The following SPAG16 variants were observed in gnomAD, a reference collection of about 807,000 sequenced individuals.
SPAG16 encodes sperm associated antigen 16, also known as sperm-associated antigen 16 protein.
Under a neutral mutation model 80.4 loss-of-function variants are expected in SPAG16, and 86 were observed. The observed-to-expected ratio is 1.07, with a 90% CI of 0.90 to 1.28. The LOEUF (loss-of-function observed/expected upper bound fraction) is 1.28. Ranked by LOEUF, SPAG16 falls within the 50% of genes most tolerant of loss-of-function variation. SPAG16 has a pLI of 0.00. For synonymous variants in SPAG16, 294 were observed against 265.9 expected (o/e 1.11, Z -1.03); for missense variants, 870 against 765.3 (o/e 1.14, Z -1.61).
chr2:213,503,244 T>C (rs2074821376), intron 10 of SPAG16, among the ~76,000 whole-genome samples: 1 of 152,152 alleles, frequency 6.6e-6, no homozygotes, highest in Non-Finnish European at 1.5e-5. Context: ...AAGCAATGGG[T>C]GAAGACATTG....
chr2:214,050,158 T>C (rs1171609635), intron 13 of SPAG16, among the ~76,000 whole-genome samples: 2 of 152,022 alleles, frequency 1.3e-5, no homozygotes, highest in Non-Finnish European at 2.9e-5. Context: ...TGGAAAAAAC[T>C]ACCTCTCTTA....
intron 10 of SPAG16, among the ~76,000 whole-genome samples, chr2:213,699,663 T>C (rs2065318876): frequency 1.3e-5 from 2 of 152,190 alleles, no homozygotes; most frequent in East Asian, 1.9e-4. Flanking sequence ...TATCCTAATA[T>C]AAAATTTAAA....
At chr2:213,490,409 TTA>T (rs758096910) in intron 10 of SPAG16, among the ~76,000 whole-genome samples, 10 of 152,154 alleles carry the variant, frequency 6.6e-5, no homozygotes, top group Non-Finnish European at 1.3e-4. Flanking sequence ...TTTCATTTGT[TTA>T]TTTTACTCAC....
chr2:214,122,829 T>C (rs969224315), intron 14 of SPAG16, among the ~76,000 whole-genome samples: 1 of 151,930 alleles, frequency 6.6e-6, no homozygotes, highest in Admixed American at 6.6e-5. Flanking sequence ...AAGCAGGTTC[T>C]GTCTATCCAA....
chr2:213,695,167 T>C (rs554517032), intron 10 of SPAG16, among the ~76,000 whole-genome samples: 3 of 152,282 alleles, frequency 2.0e-5, no homozygotes, highest in South Asian at 2.1e-4. Context: ...TAACCATATC[T>C]TTTTCTTACT....
At chr2:213,573,234 T>C (rs1248269054) in intron 10 of SPAG16, among the ~76,000 whole-genome samples, 8 of 152,102 alleles carry the variant, frequency 5.3e-5, no homozygotes, top group Middle Eastern at 6.8e-3. Flanking sequence ...ACCGGAGCTG[T>C]TCCTATTCGG....
At chr2:214,029,890 ATATGCATAAACC>A (rs1441232014) in intron 13 of SPAG16, among the ~76,000 whole-genome samples, 2 of 152,194 alleles carry the variant, frequency 1.3e-5, no homozygotes, top group Non-Finnish European at 1.5e-5. Flanking sequence ...GAATTTGGAC[ATATGCATAAACC>A]TATGCATAAT....
intron 11 of SPAG16, among the ~76,000 whole-genome samples, chr2:213,921,285 G>T (rs2078212226): frequency 2.0e-5 from 3 of 152,096 alleles, no homozygotes; most frequent in Admixed American, 2.0e-4. Context: ...TAGCTTATTT[G>T]GTCTTTGTTG....
chr2:213,885,717 C>G (rs931565903), intron 11 of SPAG16, among the ~76,000 whole-genome samples: 2 of 152,020 alleles, frequency 1.3e-5, no homozygotes, highest in East Asian at 3.9e-4. Flanking sequence ...TCCTTGGTAC[C>G]CTTCCATCAT....
chr2:214,119,607 T>C (rs867452935), intron 14 of SPAG16, among the ~76,000 whole-genome samples: 2 of 152,104 alleles, frequency 1.3e-5, no homozygotes, highest in South Asian at 2.1e-4. Context: ...TTTTCCATTT[T>C]TCCTTATTTT....
At chr2:214,309,131 G>C (rs1208765348) in intron 15 of SPAG16, among the ~76,000 whole-genome samples, 1 of 151,564 alleles carries the variant, frequency 6.6e-6, no homozygotes, top group Non-Finnish European at 1.5e-5. Context: ...TCTTATTTAA[G>C]AAAGCCAGGC....
At chr2:213,684,673 A>G (rs1458145936) in intron 10 of SPAG16, among the ~76,000 whole-genome samples, 1 of 152,238 alleles carries the variant, frequency 6.6e-6, no homozygotes, top group Non-Finnish European at 1.5e-5. Flanking sequence ...TAGCAATAAT[A>G]AAAACATCAT....
intron 9 of SPAG16, among the ~76,000 whole-genome samples, chr2:213,449,067 G>A (rs2071528487): frequency 6.6e-6 from 1 of 152,006 alleles, no homozygotes; most frequent in African/African-American, 2.4e-5. Flanking sequence ...TAATACCCTG[G>A]GAAACGAATG....
chr2:213,687,109 C>T (rs1424879602), intron 10 of SPAG16, among the ~76,000 whole-genome samples: 1 of 152,002 alleles, frequency 6.6e-6, no homozygotes, highest in Non-Finnish European at 1.5e-5. Flanking sequence ...TTAGTCATAA[C>T]CCTTTATTTT....
intron 13 of SPAG16, among the ~76,000 whole-genome samples, chr2:214,089,320 G>A (rs550425641): frequency 6.6e-6 from 1 of 152,032 alleles, no homozygotes; most frequent in South Asian, 2.1e-4. Context: ...CCTCAACAGG[G>A]TATTTTTACA....
At chr2:213,806,462 A>G (rs1281044447) in intron 10 of SPAG16, among the ~76,000 whole-genome samples, 1 of 152,168 alleles carries the variant, frequency 6.6e-6, no homozygotes, top group Non-Finnish European at 1.5e-5. Context: ...GATGGAAAAT[A>G]TTAGCTTAAA....
chr2:214,326,944 C>CAAAAAA (rs5838428), intron 15 of SPAG16, among the ~76,000 whole-genome samples: 3 of 64,470 alleles, frequency 4.7e-5, no homozygotes, highest in Admixed American at 2.3e-4. Flanking sequence ...GACTAAGTCT[C>CAAAAAA]AAAAAAAAAA....
At chr2:214,275,668 T>C (rs1252188029) in intron 15 of SPAG16, among the ~76,000 whole-genome samples, 1 of 152,230 alleles carries the variant, frequency 6.6e-6, no homozygotes, top group Non-Finnish European at 1.5e-5. Flanking sequence ...CAGTTTGTTG[T>C]GATTTCTGTT....
chr2:214,222,548 G>A (rs1224485425), intron 15 of SPAG16, among the ~76,000 whole-genome samples: 1 of 152,100 alleles, frequency 6.6e-6, no homozygotes, highest in Admixed American at 6.6e-5. Context: ...GAAAATTTTT[G>A]TCACTCAATC....
Sources: gnomAD v4.1 joint callset for allele counts (sites outside exome capture counted in the v4.1 genomes callset) on GRCh38, gnomAD v4.1.1 for gene constraint, MANE v1.5 for transcripts, NCBI Gene and HGNC (gene_info 2026-07-23, HGNC 2026-07-21) for gene names.